The following NIBAN1 variants were observed in gnomAD, a reference collection of about 807,000 sequenced individuals.
The protein encoded by NIBAN1 is protein Niban 1.
NIBAN1 carries 81 observed loss-of-function variants against 75.1 expected under a neutral mutation model. The ratio of observed to expected loss-of-function variants is 1.08; its 90% CI spans 0.90 to 1.30. The LOEUF (loss-of-function observed/expected upper bound fraction) is 1.30, where lower values mean the gene tolerates loss of function less well. Ranked by LOEUF, NIBAN1 falls within the 50% of genes most tolerant of loss-of-function variation. The pLI is 0.00. For missense variants in NIBAN1, 1,133 were observed against 1,128.1 expected, an observed-to-expected ratio of 1.00 and a Z score of -0.06; for synonymous variants, 436 against 424.8, an observed-to-expected ratio of 1.03 and a Z score of -0.32.
chr1:184,803,710 T>C lies in NIBAN1; in HGVS notation c.1447-18A>G, dbSNP rs761211331. On this transcript the variant is annotated intron_variant, in intron 11 of 13. Transcript: ENST00000367511. ...TCATATTGCTGTCAATAAAGAAACA[T>C]ATGTTAAATAGTAACATTACAATCT... 6.3e-6 allele frequency: 10 copies of C among 1,598,750 alleles called. No homozygotes were observed. Among genetic ancestry groups the C allele is most frequent in the South Asian group, 1.1e-5 (1 of 90,666 alleles).
At chr1:184,895,467 C>T (rs1352962053) in intron 2 of NIBAN1, among the ~76,000 whole-genome samples, 1 of 152,202 alleles carries the variant, frequency 6.6e-6, no homozygotes, top group African/African-American at 2.4e-5. Context: ...TCACTTATCC[C>T]TATGTACTCA....
At chr1:184,899,355 T>A (rs773868433) in intron 1 of NIBAN1, 46 bp from the exon 2 acceptor site, 1 of 1,593,152 alleles carries the variant, frequency 6.3e-7, no homozygotes, top group East Asian at 2.3e-5. Context: ...GCACAGAATA[T>A]ACACCTATCT....
chr1:184,891,977 C>T (rs555536184), intron 3 of NIBAN1, among the ~76,000 whole-genome samples: 18 of 152,130 alleles, frequency 1.2e-4, no homozygotes, highest in African/African-American at 3.9e-4. Flanking sequence ...CAGTTAAAAA[C>T]GATGAACAAA....
At chr1:184,899,807 CTTTTTT>C (rs66802117) in intron 1 of NIBAN1, among the ~76,000 whole-genome samples, 6 of 100,332 alleles carry the variant, frequency 6.0e-5, no homozygotes, top group East Asian at 3.2e-4. Context: ...ACATCACTCT[CTTTTTT>C]TTTTTTTTTT....
At chr1:184,874,324 T>C (rs1032528062) in intron 5 of NIBAN1, among the ~76,000 whole-genome samples, 1 of 151,958 alleles carries the variant, frequency 6.6e-6, no homozygotes, top group East Asian at 1.9e-4. Flanking sequence ...ATATGAGTAA[T>C]TATAACACAT....
At chr1:184,862,892 C>G (rs754886517) in intron 5 of NIBAN1, among the ~76,000 whole-genome samples, 8 of 151,604 alleles carry the variant, frequency 5.3e-5, no homozygotes, top group Non-Finnish European at 8.8e-5. Flanking sequence ...GGTTGTTACA[C>G]AGGTAAACTT....
intron 3 of NIBAN1, among the ~76,000 whole-genome samples, chr1:184,891,752 G>A (rs1656672006): frequency 6.6e-6 from 1 of 151,982 alleles, no homozygotes; most frequent in African/African-American, 2.4e-5. Context: ...GCCAGAATTG[G>A]ACTCTAAATA....
chr1:184,900,256 A>G (rs1448877938), intron 1 of NIBAN1, among the ~76,000 whole-genome samples: 1 of 152,170 alleles, frequency 6.6e-6, no homozygotes, highest in Non-Finnish European at 1.5e-5. Flanking sequence ...TCAAAGCAGT[A>G]TATAACCACC....
chr1:184,928,650 T>C (rs74132073), intron 1 of NIBAN1, among the ~76,000 whole-genome samples: 1 of 151,986 alleles, frequency 6.6e-6, no homozygotes, highest in African/African-American at 2.4e-5. Context: ...GTGCTCTCCC[T>C]CCCCCAAGCA....
rs561508845 is a variant in NIBAN1, at chr1:184,871,061, T to C, written c.601+13572A>G. Among the ~76,000 whole-genome samples the C allele has an allele frequency of 2.0e-3, 306 of 152,178 alleles. 2 individuals carry two copies. The highest frequency in any genetic ancestry group is 6.9e-3 in the African/African-American group (286 of 41,550). ...GGTGTCCTTATAAAAGAGGAAAATG[T>C]GCTAGCTGGGTGCAGTGGCTCATGC... On this transcript the variant is annotated intron_variant, in intron 5 of 13. Transcript: ENST00000367511.
intron 1 of NIBAN1, among the ~76,000 whole-genome samples, chr1:184,911,138 A>G (rs957705832): frequency 6.6e-6 from 1 of 152,198 alleles, no homozygotes; most frequent in Non-Finnish European, 1.5e-5. Flanking sequence ...ACCCAAATAA[A>G]GATGTAATCA....
At chr1:184,871,452 A>G (rs1308653622) in intron 5 of NIBAN1, among the ~76,000 whole-genome samples, 1 of 151,902 alleles carries the variant, frequency 6.6e-6, no homozygotes, top group Non-Finnish European at 1.5e-5. Context: ...TGATGCTTAT[A>G]TAAGCCAAGG....
chr1:184,799,094 A>G (rs1653957166), intron 12 of NIBAN1, among the ~76,000 whole-genome samples: 1 of 152,030 alleles, frequency 6.6e-6, no homozygotes. Flanking sequence ...CACAATGTGC[A>G]GGTTAGTTAC....
chr1:184,973,846 T>G (rs1316330706), intron 1 of NIBAN1, among the ~76,000 whole-genome samples: 1 of 152,258 alleles, frequency 6.6e-6, no homozygotes, highest in Non-Finnish European at 1.5e-5. Flanking sequence ...ACGCCGCGCT[T>G]TCCAAAGCCA....
chr1:184,839,042 CA>C (rs1177407893), intron 5 of NIBAN1, among the ~76,000 whole-genome samples: 1 of 152,158 alleles, frequency 6.6e-6, no homozygotes, highest in Non-Finnish European at 1.5e-5. Context: ...AGAAGGGGAA[CA>C]GGGGAAGGTA....
chr1:184,931,032 C>T (rs537687844), intron 1 of NIBAN1, among the ~76,000 whole-genome samples: 2 of 133,818 alleles, frequency 1.5e-5, no homozygotes, highest in South Asian at 2.4e-4. Context: ...CTGAGTCTCA[C>T]TCTGTCACCC....
At chr1:184,900,604 C>T (rs1289115232) in intron 1 of NIBAN1, among the ~76,000 whole-genome samples, 1 of 152,078 alleles carries the variant, frequency 6.6e-6, no homozygotes, top group Non-Finnish European at 1.5e-5. Flanking sequence ...GAGAGTCAGA[C>T]ACCTGAAACA....
At chr1:184,867,787 T>C in intron 5 of NIBAN1, 1 of 893,504 alleles carries the variant, frequency 1.1e-6, no homozygotes, top group Non-Finnish European at 1.3e-6. Context: ...GAGTTTGGTT[T>C]ATAAGCAATG....
rs1658841892 is a variant in NIBAN1 at position 184,967,940 on chromosome 1, ACGCCTG to A, written c.55+6356_55+6361del. On this transcript the variant is annotated intron_variant, in intron 1 of 13. Coordinates refer to ENST00000367511, the MANE Select transcript of NIBAN1 (RefSeq NM_052966.4). ...AACTCACGGCCGGGCGCGGTGGCTCACGCCTGTAATCCCAGCACTTTGGGAGGCCGA... is the reference window on the plus strand; with the variant it reads ...AACTCACGGCCGGGCGCGGTGGCTCATAATCCCAGCACTTTGGGAGGCCGA... 2.2e-4 allele frequency among the ~76,000 whole-genome samples: 2 copies of A among 9,234 alleles called. 1 individual carries two copies. Among genetic ancestry groups the A allele is most frequent in the Non-Finnish European group, 9.5e-4 (2 of 2,096 alleles). 6.1% of individuals were successfully genotyped at this position (9,234 alleles called of 152,430 possible).
Sources: gnomAD v4.1 joint callset for allele counts (sites outside exome capture counted in the v4.1 genomes callset) on GRCh38, gnomAD v4.1.1 for gene constraint, MANE v1.5 for transcripts, NCBI Gene and HGNC (gene_info 2026-07-23, HGNC 2026-07-21) for gene names.